Variants in EYS observed in about 807,000 individuals in gnomAD.
The protein encoded by EYS is EGF-like photoreceptor maintenance factor, also known as protein eyes shut homolog.
A neutral mutation model predicts 282.1 loss-of-function variants in EYS; 250 were observed. The ratio of observed to expected loss-of-function variants is 0.89; its 90% CI spans 0.80 to 0.98. EYS has a LOEUF of 0.98. Among genes scored for constraint, EYS ranks in the 50% least tolerant of loss-of-function variants. EYS has a pLI of 0.00. For synonymous variants in EYS, 1,355 were observed against 1,282.9 expected (o/e 1.06, Z -1.20); for missense variants, 4,016 against 3,709.0 (o/e 1.08, Z -2.15).
intron 30 of EYS, among the ~76,000 whole-genome samples, chr6:64,242,099 GAGAATAA>G (rs1297773889): frequency 1.3e-5 from 2 of 152,024 alleles, no homozygotes; most frequent in Non-Finnish European, 2.9e-5. Context: ...TGGTCAATTT[GAGAATAA>G]GTGCGATGTG....
chr6:65,128,968 T>C (rs1192150908), intron 12 of EYS, among the ~76,000 whole-genome samples: 1 of 151,856 alleles, frequency 6.6e-6, no homozygotes, highest in African/African-American at 2.4e-5. Flanking sequence ...AATAGACACA[T>C]AGACCAATGG....
At chr6:63,951,303 A>G (rs1765581815) in intron 35 of EYS, among the ~76,000 whole-genome samples, 1 of 152,118 alleles carries the variant, frequency 6.6e-6, no homozygotes, top group African/African-American at 2.4e-5. Flanking sequence ...TATCCAAAAA[A>G]CGTCACTTTC....
intron 12 of EYS, among the ~76,000 whole-genome samples, chr6:65,223,174 C>A (rs1488689466): frequency 6.6e-6 from 1 of 152,084 alleles, no homozygotes; most frequent in Admixed American, 6.6e-5. Context: ...TGCCGACCAG[C>A]CTGACCAACA....
At chr6:65,508,946 C>A (rs1209983059) in intron 2 of EYS, among the ~76,000 whole-genome samples, 1 of 152,132 alleles carries the variant, frequency 6.6e-6, no homozygotes. Flanking sequence ...GGAGGAAAAG[C>A]CTCTGAAAGT....
chr6:63,774,309 C>G (rs1001614412), intron 40 of EYS, among the ~76,000 whole-genome samples: 14 of 152,084 alleles, frequency 9.2e-5, no homozygotes, highest in African/African-American at 2.9e-4. Context: ...GCTGGGATTA[C>G]AGGCACCCAC....
At chr6:65,027,017 T>G (rs998631308) in intron 13 of EYS, among the ~76,000 whole-genome samples, 2 of 134,532 alleles carry the variant, frequency 1.5e-5, no homozygotes, top group African/African-American at 6.0e-5. Flanking sequence ...CTATTTGTAA[T>G]GTGTGTTTTT....
chr6:64,402,047 T>C (rs890507698), intron 28 of EYS, among the ~76,000 whole-genome samples: 1 of 152,146 alleles, frequency 6.6e-6, no homozygotes, highest in Non-Finnish European at 1.5e-5. Flanking sequence ...CACTCGTCTA[T>C]GAATTCTTCT....
chr6:65,272,966 G>T (rs1334331032), intron 12 of EYS, among the ~76,000 whole-genome samples: 1 of 152,044 alleles, frequency 6.6e-6, no homozygotes, highest in Non-Finnish European at 1.5e-5. Context: ...CTTGCATTTT[G>T]GGGCCTTTAT....
At chr6:64,425,304 T>TA (rs1212448248) in intron 28 of EYS, among the ~76,000 whole-genome samples, 1 of 152,070 alleles carries the variant, frequency 6.6e-6, no homozygotes, top group African/African-American at 2.4e-5. Flanking sequence ...ACCCTGGCCA[T>TA]AGTGGCTACA....
At chr6:64,204,875 G>A (rs4710469) in intron 31 of EYS, among the ~76,000 whole-genome samples, 47,373 of 151,960 alleles carry the variant, frequency 0.31, 7,431 homozygotes, top group East Asian at 0.5. Flanking sequence ...CAAATATTGA[G>A]CTCCATAATA....
At chr6:64,319,551 T>A (rs1291476747) in intron 29 of EYS, among the ~76,000 whole-genome samples, 4 of 151,982 alleles carry the variant, frequency 2.6e-5, no homozygotes, top group Non-Finnish European at 5.9e-5. Context: ...TGCATCAGAT[T>A]TTTTTAAAAC....
intron 33 of EYS, among the ~76,000 whole-genome samples, chr6:64,019,560 G>A (rs1388107558): frequency 6.6e-6 from 1 of 151,906 alleles, no homozygotes; most frequent in East Asian, 1.9e-4. Context: ...ACAGGCACAG[G>A]CCACCACGCC....
intron 29 of EYS, among the ~76,000 whole-genome samples, chr6:64,318,678 C>A (rs1185248488): frequency 6.6e-6 from 1 of 151,580 alleles, no homozygotes; most frequent in Non-Finnish European, 1.5e-5. Context: ...AATGCCTTTT[C>A]CAAACAAATT....
chr6:65,622,855 C>T (rs1766565704), intron 2 of EYS, among the ~76,000 whole-genome samples: 1 of 151,300 alleles, frequency 6.6e-6, no homozygotes, highest in Non-Finnish European at 1.5e-5. Flanking sequence ...CCTCTCGGGT[C>T]CGGTGGTCCT....
At chr6:64,680,970 G>A (rs1195230588) in intron 22 of EYS, among the ~76,000 whole-genome samples, 2 of 152,184 alleles carry the variant, frequency 1.3e-5, no homozygotes, top group African/African-American at 2.4e-5. Flanking sequence ...GTATTTAAGA[G>A]GAGGCTGGTA....
chr6:64,834,537 T>A (rs1765325349), intron 19 of EYS, among the ~76,000 whole-genome samples: 1 of 151,896 alleles, frequency 6.6e-6, no homozygotes, highest in South Asian at 2.1e-4. Context: ...TCCAGTGACC[T>A]AGTTAATTTG....
At chr6:64,134,005 T>C (rs1774078691) in intron 31 of EYS, among the ~76,000 whole-genome samples, 1 of 151,924 alleles carries the variant, frequency 6.6e-6, no homozygotes, top group African/African-American at 2.4e-5. Context: ...GAAGAGTGAA[T>C]AGTTAGATAA....
At chr6:64,185,098 GA>G (rs967579980) in intron 31 of EYS, among the ~76,000 whole-genome samples, 1 of 152,084 alleles carries the variant, frequency 6.6e-6, no homozygotes, top group African/African-American at 2.4e-5. Flanking sequence ...ACATAAGTCA[GA>G]TAGTAGGCCT....
At chr6:65,320,469 A>G (rs1210879165) in intron 11 of EYS, among the ~76,000 whole-genome samples, 1 of 152,128 alleles carries the variant, frequency 6.6e-6, no homozygotes, top group Non-Finnish European at 1.5e-5. Context: ...ACTGGTGCAG[A>G]AGCAGGGGTG....
Sources: allele counts gnomAD v4.1 joint callset (sites outside exome capture counted in the v4.1 genomes callset), GRCh38; gene constraint gnomAD v4.1.1; transcripts MANE v1.5; gene names NCBI Gene and HGNC (gene_info 2026-07-23, HGNC 2026-07-21).